The following ZC3H13 variants were observed in gnomAD, a reference collection of about 807,000 sequenced individuals.
ZC3H13 encodes zinc finger CCCH-type containing 13, also known as zinc finger CCCH domain-containing protein 13.
ZC3H13 carries 64 observed loss-of-function variants against 204.1 expected under a neutral mutation model. The observed-to-expected ratio is 0.31, with a 90% confidence interval of 0.26 to 0.39. ZC3H13 has a LOEUF of 0.39. ZC3H13 is among the 10% of genes least tolerant of loss of function. The probability of loss-of-function intolerance (pLI) is 1.00; values close to 1 mark genes in which losing one functional copy is unlikely to be tolerated. For missense variants in ZC3H13, 1,833 were observed against 2,082.7 expected (o/e 0.88, Z 2.33); for synonymous variants, 667 against 693.7 (o/e 0.96, Z 0.60).
chr13:45,968,218 T>A (rs1335657455), intron 14 of ZC3H13, among the ~76,000 whole-genome samples, 190 bp from the exon 15 acceptor site: 1 of 152,074 alleles, frequency 6.6e-6, no homozygotes, highest in Non-Finnish European at 1.5e-5. Context: ...TCTATAAATA[T>A]CCAAATATAT....
At chr13:46,037,927 A>G (rs1186122482) in intron 4 of ZC3H13, among the ~76,000 whole-genome samples, 5 of 152,170 alleles carry the variant, frequency 3.3e-5, no homozygotes, top group Non-Finnish European at 5.9e-5. Context: ...TTATATTTAC[A>G]GCACACTTCA....
intron 10 of ZC3H13, among the ~76,000 whole-genome samples, chr13:45,984,048 C>T (rs951585259): frequency 6.6e-6 from 1 of 152,190 alleles, no homozygotes; most frequent in Admixed American, 6.5e-5. Flanking sequence ...CCCAGTAATG[C>T]AGCACTTGCT....
chr13:46,046,000 A>T (rs1041167), intron 1 of ZC3H13, among the ~76,000 whole-genome samples: 41,946 of 152,122 alleles, frequency 0.28, 6,206 homozygotes, highest in South Asian at 0.33. Flanking sequence ...TCATAAGTTT[A>T]AGGGACAACA....
At chr13:46,035,740 G>A (rs760956218) in intron 4 of ZC3H13, among the ~76,000 whole-genome samples, 4 of 152,002 alleles carry the variant, frequency 2.6e-5, no homozygotes, top group East Asian at 1.9e-4. Flanking sequence ...AATTTTATAC[G>A]TACTTCTTCA....
chr13:46,018,280 G>A (rs1282362782), intron 5 of ZC3H13, among the ~76,000 whole-genome samples: 2 of 152,140 alleles, frequency 1.3e-5, no homozygotes, highest in Non-Finnish European at 2.9e-5. Context: ...TTAGTGGAGA[G>A]TTGGGTCAGA....
At chr13:46,021,830 A>G (rs1424730592) in intron 4 of ZC3H13, among the ~76,000 whole-genome samples, 2 of 151,960 alleles carry the variant, frequency 1.3e-5, no homozygotes, top group East Asian at 1.9e-4. Flanking sequence ...TGGAACATCA[A>G]TGAAGAACTA....
chr13:46,050,854 G>C (rs112114017), intron 1 of ZC3H13, among the ~76,000 whole-genome samples: 1 of 151,632 alleles, frequency 6.6e-6, no homozygotes, highest in Admixed American at 6.6e-5. Context: ...TCCCATGCTG[G>C]TAGCTACTCT....
rs1440106572 is a variant in ZC3H13, at chr13:45,969,507, C to G, written c.3037G>C (p.Asp1013His). The stretch of plus-strand genomic sequence containing the variant: ...GCTTCTTCATCAGAAATATCAGAAT[C>G]ACCTTTGGATTTTTTACGTTTTTTT... Reference protein sequence around the residue: ...IEKKRKKSKGDSDISDEEAAQ... With the variant: ...IEKKRKKSKGHSDISDEEAAQ... Residue 1013 changes from aspartate to histidine, a missense_variant, in exon 14 of 19, where the codon GAT (aspartate) becomes CAT (histidine). Asp to His is a moderately conservative substitution (Grantham distance 81, BLOSUM62 -1). Around this residue, in one of 5 missense-constraint regions of ZC3H13, gnomAD observed 1,574 missense variants for 1,757.2 expected, o/e 0.90. Transcript: ENST00000679008. 1.9e-6 allele frequency: 3 copies of G among 1,606,038 alleles called. No individual in the cohort carries two copies. In the African/African-American group the frequency reaches 4.0e-5, roughly 22 times the overall value.
At chr13:46,050,474 A>G (rs543809863) in intron 1 of ZC3H13, among the ~76,000 whole-genome samples, 5 of 152,174 alleles carry the variant, frequency 3.3e-5, no homozygotes, top group Non-Finnish European at 7.4e-5. Flanking sequence ...GCGGCATAAT[A>G]TTAGGGAAAT....
rs1952398774 is a variant in ZC3H13 at position 45,969,524 on chromosome 13, C to T, written c.3020G>A (p.Arg1007His). The change falls in exon 14 of 19, where the codon CGT becomes CAT. Residue 1007 changes from arginine to histidine, a missense_variant. This residue lies in a region of ZC3H13 where 1,574 missense variants were observed against 1,757.2 expected (regional missense o/e 0.90). Transcript: ENST00000679008. ...ATCAGAATCACCTTTGGATTTTTTACGTTTTTTTTCAATGCTTTTCTTTTT... is the reference window on the plus strand; with the variant it reads ...ATCAGAATCACCTTTGGATTTTTTATGTTTTTTTTCAATGCTTTTCTTTTT... ...GQKKKSIEKK[R>H]KKSKGDSDIS... is the part of the protein sequence containing the mutation. 5 of 1,601,824 alleles carry T rather than the reference C, an allele frequency of 3.1e-6. No individual in the cohort carries two copies. The highest frequency in any genetic ancestry group is 2.2e-5 in the East Asian group (1 of 44,836).
At chr13:45,988,751 A>G in intron 9 of ZC3H13, 36 bp downstream of exon 9, 1 of 1,562,280 alleles carries the variant, frequency 6.4e-7, no homozygotes, top group South Asian at 1.2e-5. Context: ...TGGATGTTCA[A>G]TTTTTCAATT....
At chr13:46,012,164 G>A (rs529680089) in intron 5 of ZC3H13, among the ~76,000 whole-genome samples, 2 of 152,214 alleles carry the variant, frequency 1.3e-5, no homozygotes, top group African/African-American at 2.4e-5. Flanking sequence ...ACAACTGTCC[G>A]TCTCAACGGA....
At chr13:45,999,962 A>G (rs1359609936) in intron 8 of ZC3H13, among the ~76,000 whole-genome samples, 1 of 152,198 alleles carries the variant, frequency 6.6e-6, no homozygotes, top group Non-Finnish European at 1.5e-5. Context: ...TCATAAACAA[A>G]CAGTAGTATT....
chr13:46,015,839 G>A (rs2041876814), intron 5 of ZC3H13, among the ~76,000 whole-genome samples: 1 of 152,102 alleles, frequency 6.6e-6, no homozygotes, highest in East Asian at 1.9e-4. Context: ...AGACTGTTCT[G>A]CAACTCATAG....
rs75226748 is a variant in ZC3H13, at chr13:46,025,112, C to T, written c.340-4555G>A. 5.3e-3 allele frequency among the ~76,000 whole-genome samples: 810 copies of T among 152,138 alleles called. 2 individuals are homozygous for T. Among genetic ancestry groups the T allele is most frequent in the African/African-American group, 0.018 (764 of 41,488 alleles). ...TATTTGTATGTCAATAACATTCTCA[C>T]CTGCTACTAATATTCACTTATAAAC... On this transcript the variant is annotated intron_variant, in intron 4 of 18. Coordinates refer to ENST00000679008, the MANE Select transcript of ZC3H13 (RefSeq NM_001330564.2).
chr13:46,001,985 A>AC (rs1422031782), intron 8 of ZC3H13, among the ~76,000 whole-genome samples: 4 of 152,118 alleles, frequency 2.6e-5, no homozygotes, highest in Non-Finnish European at 5.9e-5. Context: ...ATAGGAAAAA[A>AC]TATTTTAAAA....
intron 9 of ZC3H13, among the ~76,000 whole-genome samples, chr13:45,988,405 A>C (rs1165268494): frequency 6.6e-6 from 1 of 152,068 alleles, no homozygotes; most frequent in Non-Finnish European, 1.5e-5. Flanking sequence ...CTACAGGTGC[A>C]TGCCACCATG....
Position 45,957,243 on chromosome 13 carries a change from G to A in ZC3H13, c.4894C>T (p.Arg1632Ter), listed in dbSNP as rs1446664564. 1 of 1,547,734 alleles carries A rather than the reference G, an allele frequency of 6.5e-7. No individual in the cohort carries two copies. Residue 1632 changes from arginine to a stop codon, truncating the protein, a stop_gained, in exon 19 of 19, where the codon CGA (arginine) becomes TGA (stop). Coordinates refer to ENST00000679008, the MANE Select transcript of ZC3H13 (RefSeq NM_001330564.2). LOFTEE classifies it high-confidence loss of function. ...CGCTTAAATAACCGAAGACTCAATC[G>A]AAGTAATTCATTGTCTACCATTGGA... ...SAPMVDNELL[R>*]LSLRLFKRKT...
chr13:46,049,299 A>C (rs374578787), intron 1 of ZC3H13, among the ~76,000 whole-genome samples: 53 of 66,222 alleles, frequency 8.0e-4, no homozygotes, highest in African/African-American at 3.7e-3. Flanking sequence ...AATGACAACA[A>C]TAATACACAC....
Sources: allele counts gnomAD v4.1 joint callset (sites outside exome capture counted in the v4.1 genomes callset), GRCh38; gene constraint gnomAD v4.1.1; regional missense constraint gnomAD v4.1.1; transcripts MANE v1.5; gene names NCBI Gene and HGNC (gene_info 2026-07-23, HGNC 2026-07-21).